Variants in TAAR5 observed in about 807,000 individuals in gnomAD.
TAAR5 encodes the protein trace amine-associated receptor 5.
Under a neutral mutation model 21.1 loss-of-function variants are expected in TAAR5, and 27 were observed. That is an observed-to-expected ratio of 1.28 (90% CI 0.94 to 1.76). The LOEUF (loss-of-function observed/expected upper bound fraction) is 1.76, where lower values mean the gene tolerates loss of function less well. TAAR5 is among the 40% of genes most tolerant of loss of function. The pLI is 0.00. For synonymous variants in TAAR5, 203 were observed against 167.5 expected (o/e 1.21, Z -1.64); for missense variants, 495 against 405.6 (o/e 1.22, Z -1.89).
At chr6:132,592,862 G>A (rs1397041788), upstream of TAAR5, among the ~76,000 whole-genome samples, 1 of 151,908 alleles carries the variant, frequency 6.6e-6, no homozygotes, top group Admixed American at 6.6e-5. Flanking sequence ...CTCTGCACCC[G>A]GCTCTTCTTC....
upstream of TAAR5, among the ~76,000 whole-genome samples, chr6:132,594,113 A>G (rs1776943731): frequency 6.6e-6 from 1 of 152,222 alleles, no homozygotes; most frequent in Non-Finnish European, 1.5e-5. Flanking sequence ...ATTTAAGCCA[A>G]AAGACTAAAA....
the TAAR5 span, among the ~76,000 whole-genome samples, chr6:132,599,076 A>G: frequency 4.6e-5 from 7 of 152,174 alleles, no homozygotes; most frequent in Admixed American, 6.5e-5. Flanking sequence ...TAATTTTTCA[A>G]ATAAAGGTCT....
the TAAR5 span, among the ~76,000 whole-genome samples, chr6:132,615,381 G>A: frequency 6.6e-6 from 1 of 151,988 alleles, no homozygotes; most frequent in Non-Finnish European, 1.5e-5. Context: ...AAAGTATTGG[G>A]ATGTGAGAGA....
At chr6:132,595,971 C>T in the TAAR5 span, among the ~76,000 whole-genome samples, 1 of 152,138 alleles carries the variant, frequency 6.6e-6, no homozygotes, top group Admixed American at 6.5e-5. Flanking sequence ...ACATACTATT[C>T]GATTAAGGAA....
At chr6:132,607,890 C>T in the TAAR5 span, among the ~76,000 whole-genome samples, 4 of 152,304 alleles carry the variant, frequency 2.6e-5, no homozygotes, top group Admixed American at 1.3e-4. Context: ...CAGATAGGAA[C>T]CAAAGCCAAC....
chr6:132,615,950 C>T, the TAAR5 span, among the ~76,000 whole-genome samples: 1 of 151,318 alleles, frequency 6.6e-6, no homozygotes, highest in Admixed American at 6.6e-5. Flanking sequence ...TGAGGCTATA[C>T]TTAGCCTCGG....
the TAAR5 span, among the ~76,000 whole-genome samples, chr6:132,604,523 C>A: frequency 6.6e-6 from 1 of 151,856 alleles, no homozygotes; most frequent in Non-Finnish European, 1.5e-5. Flanking sequence ...AAAAAATTAG[C>A]CAAATGGAAG....
chr6:132,589,274 T>A lies in TAAR5; in HGVS notation c.413A>T (p.Asp138Val). ...ISIDRHCAIC[D>V]PLLYPSKFTV... The stretch of plus-strand genomic sequence containing the variant: ...GAACTTGGAGGGATAGAGCAGGGGG[T>A]CACAGATGGCACAGTGGCGGTCAAT... The change falls in exon 1 of 1, where the codon GAC (aspartate) becomes GTC (valine). Residue 138 changes from aspartate (D) to valine (V), a missense_variant. Coordinates refer to ENST00000258034, the MANE Select transcript of TAAR5 (RefSeq NM_003967.3). 6.2e-7 allele frequency: 1 copy of A among 1,610,658 alleles called. No individual in the cohort carries two copies. Among genetic ancestry groups the A allele is most frequent in the Non-Finnish European group, 8.5e-7 (1 of 1,178,248 alleles).
upstream of TAAR5, among the ~76,000 whole-genome samples, chr6:132,593,035 A>G (rs1776928124): frequency 6.6e-6 from 1 of 152,072 alleles, no homozygotes; most frequent in South Asian, 2.1e-4. Context: ...TACTTGCTCA[A>G]ACTTGCTTCC....
At chr6:132,608,902 G>A in the TAAR5 span, 1 of 455,964 alleles carries the variant, frequency 2.2e-6, no homozygotes, top group Non-Finnish European at 4.4e-6. Flanking sequence ...TCGGTCAATA[G>A]CAATGGAACA....
chr6:132,592,756 C>T (rs190128593), upstream of TAAR5, among the ~76,000 whole-genome samples: 9 of 152,270 alleles, frequency 5.9e-5, no homozygotes, highest in East Asian at 1.4e-3. Context: ...CCTGAGGCCT[C>T]CCCAGCCATT....
the TAAR5 span, among the ~76,000 whole-genome samples, chr6:132,598,267 T>A: frequency 2.0e-5 from 3 of 152,230 alleles, no homozygotes; most frequent in Non-Finnish European, 4.4e-5. Flanking sequence ...GGTCTTCCCA[T>A]CATTGTTTCT....
chr6:132,589,742 CA>C (rs567338856), upstream of TAAR5: 194 of 60,774 alleles, frequency 3.2e-3, no homozygotes, highest in Admixed American at 4.7e-3. Context: ...CACTGGAGGG[CA>C]AAAAAAAAAA....
the TAAR5 span, among the ~76,000 whole-genome samples, chr6:132,612,772 A>G: frequency 3.3e-5 from 5 of 152,148 alleles, no homozygotes; most frequent in Admixed American, 6.6e-5. Context: ...CTTCCAGTTA[A>G]AACTCACATA....
rs1258979514 is a variant in TAAR5, at chr6:132,589,210, C to A, written c.477G>T (p.Trp159Cys). The A allele has an allele frequency of 6.2e-7, 1 of 1,605,138 alleles. No homozygotes were observed. Among genetic ancestry groups the A allele is most frequent in the Non-Finnish European group, 8.5e-7 (1 of 1,175,558 alleles). ...ACGAAGTGTATGCTGCGGGCACCCCCCATCCTGCCAGGATGTACCTGAGAG... is the reference window on the plus strand; with the variant it reads ...ACGAAGTGTATGCTGCGGGCACCCCACATCCTGCCAGGATGTACCTGAGAG... ...RVALRYILAG[W>C]GVPAAYTSLF... Residue 159 changes from tryptophan to cysteine, a missense_variant, in exon 1 of 1, where the codon TGG becomes TGT. Coordinates refer to ENST00000258034, the MANE Select transcript of TAAR5 (RefSeq NM_003967.3).
chr6:132,593,413 T>C (rs1025725742), upstream of TAAR5, among the ~76,000 whole-genome samples: 1 of 152,188 alleles, frequency 6.6e-6, no homozygotes, highest in African/African-American at 2.4e-5. Flanking sequence ...TAAATGTTCG[T>C]TGAACCGAGT....
At chr6:132,601,005 G>A in the TAAR5 span, among the ~76,000 whole-genome samples, 1 of 127,644 alleles carries the variant, frequency 7.8e-6, no homozygotes, top group African/African-American at 2.8e-5. Flanking sequence ...GGGAAGGAGG[G>A]AAGGAAGGAA....
chr6:132,596,521 C>A, the TAAR5 span, among the ~76,000 whole-genome samples: 1 of 152,136 alleles, frequency 6.6e-6, no homozygotes, highest in South Asian at 2.1e-4. Flanking sequence ...ATACAAGCAC[C>A]TTTAAAAATA....
chr6:132,609,800 G>A, the TAAR5 span, among the ~76,000 whole-genome samples: 1 of 152,184 alleles, frequency 6.6e-6, no homozygotes, highest in Non-Finnish European at 1.5e-5. Flanking sequence ...GTGTGCAAAT[G>A]TTTTAAGAGT....
Sources: gnomAD v4.1 joint callset for allele counts (sites outside exome capture counted in the v4.1 genomes callset) on GRCh38, gnomAD v4.1.1 for gene constraint, MANE v1.5 for transcripts, NCBI Gene and HGNC (gene_info 2026-07-23, HGNC 2026-07-21) for gene names.